ACACA: variants seen among roughly 807,000 people sequenced by gnomAD.
ACACA encodes the protein acetyl-CoA carboxylase 1.
Under a neutral mutation model 296.1 loss-of-function variants are expected in ACACA, and 103 were observed. The ratio of observed to expected loss-of-function variants is 0.35; its 90% CI spans 0.30 to 0.41. The LOEUF (loss-of-function observed/expected upper bound fraction) is 0.41, where lower values mean the gene tolerates loss of function less well. Ranked by LOEUF, ACACA falls within the 10% of genes least tolerant of loss-of-function variation. The pLI is 1.00. For synonymous variants in ACACA, 953 were observed against 1,038.6 expected (o/e 0.92, Z 1.58); for missense variants, 1,554 against 2,989.7 (o/e 0.52, Z 11.20).
At chr17:37,173,218 C>G (rs988706029) in intron 41 of ACACA, among the ~76,000 whole-genome samples, 1 of 152,184 alleles carries the variant, frequency 6.6e-6, no homozygotes, top group Admixed American at 6.5e-5. Context: ...TCTCTACAGG[C>G]AGAGTTTTAG....
intron 3 of ACACA, among the ~76,000 whole-genome samples, chr17:37,326,734 C>A (rs894705130): frequency 1.3e-5 from 2 of 151,596 alleles, no homozygotes; most frequent in African/African-American, 4.9e-5. Context: ...GAGGCTGAGG[C>A]AGGAGAATTG....
At position 37,086,626 on chromosome 17, in the gene ACACA, C is replaced by T. The variant is rs181439255; in HGVS notation, c.*690G>A. ...TTCCCTTTGTCCTCAGAGACTGAAC[C>T]CAAGGTTGAGGTCCCCTAAATCAAG... is the stretch of plus-strand genomic sequence containing the variant. On this transcript the variant is annotated 3_prime_UTR_variant, in exon 56 of 56. Coordinates refer to ENST00000616317, the MANE Select transcript of ACACA (RefSeq NM_198834.3). 1.3e-5 allele frequency: 2 copies of T among 153,514 alleles called. No homozygotes were observed. The highest frequency in any genetic ancestry group is 4.8e-5 in the African/African-American group (2 of 41,572). The allele number at this position is 153,514 out of a possible 1,614,324, so 9.5% of individuals were successfully genotyped here.
chr17:37,385,714 A>G (rs930206100), intron 1 of ACACA, among the ~76,000 whole-genome samples: 3 of 152,032 alleles, frequency 2.0e-5, no homozygotes, highest in African/African-American at 4.8e-5. Flanking sequence ...CTTCATCTTT[A>G]TTATTATTAT....
Position 37,245,073 on chromosome 17 carries a change from T to C in ACACA, c.2595+7A>G, listed in dbSNP as rs1161879976. The C allele has an allele frequency of 6.2e-7, 1 of 1,614,068 alleles. No individual in the cohort carries two copies. Among genetic ancestry groups the C allele is most frequent in the African/African-American group, 1.3e-5 (1 of 74,946 alleles). On this transcript the variant is annotated splice_region_variant and intron_variant, in intron 20 of 55. Transcript: ENST00000616317. Reference sequence around the variant, plus strand: ...GAGAGCAATATTCGGAGCACCTTCCTACTCACCTGCTGAACCTTGCTGGGG... The same window carrying C: ...GAGAGCAATATTCGGAGCACCTTCCCACTCACCTGCTGAACCTTGCTGGGG...
At chr17:37,163,516 C>G (rs1020929846) in intron 41 of ACACA, among the ~76,000 whole-genome samples, 1 of 152,168 alleles carries the variant, frequency 6.6e-6, no homozygotes, top group Non-Finnish European at 1.5e-5. Context: ...TTCCAAGAAA[C>G]CTTTAACACA....
Position 37,125,785 on chromosome 17 carries a change from C to T in ACACA, c.5954G>A (p.Gly1985Asp). Reference protein sequence around the residue: ...LAGRPHPTQKGQWLSGFFDYG... With the variant: ...LAGRPHPTQKDQWLSGFFDYG... ...GTCAAAAAAGCCACTCAACCACTGACCTTTTTGGGCTACAGAAGGGAAAGA... is the reference window on the plus strand; with the variant it reads ...GTCAAAAAAGCCACTCAACCACTGATCTTTTTGGGCTACAGAAGGGAAAGA... Residue 1985 changes from glycine to aspartate, a missense_variant, in exon 48 of 56, where the codon GGT becomes GAT. Gly to Asp is a moderately conservative substitution (Grantham distance 94, BLOSUM62 -1). Transcript: ENST00000616317. 6.2e-7 allele frequency: 1 copy of T among 1,613,538 alleles called. No individual in the cohort carries two copies.
intron 3 of ACACA, among the ~76,000 whole-genome samples, chr17:37,295,729 C>T (rs1454252987): frequency 6.6e-6 from 1 of 152,014 alleles, no homozygotes; most frequent in Non-Finnish European, 1.5e-5. Flanking sequence ...TCAAGACCAT[C>T]CTGGCTAACA....
At chr17:37,220,662 T>A (rs2079243803) in intron 29 of ACACA, among the ~76,000 whole-genome samples, 2 of 152,132 alleles carry the variant, frequency 1.3e-5, no homozygotes, top group Admixed American at 1.3e-4. Context: ...GGTAGAGAAG[T>A]GAAAGGATAT....
At chr17:37,386,756 A>G (rs922833946) in intron 1 of ACACA, 1 of 152,228 alleles carries the variant, frequency 6.6e-6, no homozygotes, top group African/African-American at 2.4e-5. Flanking sequence ...CACTGTATGT[A>G]TAGATGGACA....
Position 37,406,125 on chromosome 17 carries a change from G to T in ACACA, c.38+137C>A. ...ACCTGGAAAATAGGGATAACAACAGGTGCCTACCTCACAAGTTTTAAATGA... is the reference window on the plus strand; with the variant it reads ...ACCTGGAAAATAGGGATAACAACAGTTGCCTACCTCACAAGTTTTAAATGA... On this transcript the variant is annotated intron_variant, in intron 1 of 55. Transcript: ENST00000616317. The T allele has an allele frequency of 9.6e-6, 9 of 935,188 alleles. No individual in the cohort carries two copies. The South Asian group carries it at 1.1e-4, about 11-fold the overall frequency. The allele number at this position is 935,188 out of a possible 1,614,324, so 57.9% of individuals were successfully genotyped here.
At chr17:37,177,269 CGTGT>C (rs112439511) in intron 41 of ACACA, among the ~76,000 whole-genome samples, 36,616 of 146,346 alleles carry the variant, frequency 0.25, 4,893 homozygotes, top group Admixed American at 0.36. Context: ...TTAAAAAATT[CGTGT>C]GTGTGTGTGT....
chr17:37,383,845 T>C (rs879559535), intron 1 of ACACA, among the ~76,000 whole-genome samples: 6 of 152,110 alleles, frequency 3.9e-5, no homozygotes, highest in Non-Finnish European at 8.8e-5. Flanking sequence ...GCCACCTCAC[T>C]TGGTCCAAAA....
chr17:37,253,585 A>T (rs1203059701), intron 14 of ACACA, among the ~76,000 whole-genome samples: 3 of 152,176 alleles, frequency 2.0e-5, no homozygotes, highest in Non-Finnish European at 2.9e-5. Context: ...TTACCATAAG[A>T]GCATCAGCAA....
chr17:37,284,933 G>C lies in ACACA; in HGVS notation c.376C>G (p.Arg126Gly). The change falls in exon 4 of 56, where the codon CGA (arginine) becomes GGA (glycine). Residue 126 changes from arginine to glycine, a missense_variant. Physicochemically the swap from Arg to Gly is moderately radical, Grantham distance 125 (BLOSUM62 -2). Around this residue, in one of 16 missense-constraint regions of ACACA, gnomAD observed 140 missense variants for 147.7 expected, o/e 0.95. Transcript: ENST00000616317. ...MSGLHLVKQG[R>G]DRKKIDSQRD... ...TGAGAATCTATTTTCTTTCTGTCTCGGCCCTGCTTTACTAGGTGCAAGCCA... is the reference window on the plus strand; with the variant it reads ...TGAGAATCTATTTTCTTTCTGTCTCCGCCCTGCTTTACTAGGTGCAAGCCA... The C allele has an allele frequency of 1.2e-6, 2 of 1,613,934 alleles. No homozygotes were observed. The highest frequency in any genetic ancestry group is 1.7e-6 in the Non-Finnish European group (2 of 1,179,998).
chr17:37,184,567 G>C (rs1366776532), intron 39 of ACACA, among the ~76,000 whole-genome samples: 1 of 152,022 alleles, frequency 6.6e-6, no homozygotes, highest in Non-Finnish European at 1.5e-5. Flanking sequence ...CCATTAAATG[G>C]GGCTGGGCAT....
chr17:37,257,607 T>G, intron 14 of ACACA, 96 bp downstream of exon 14: 1 of 1,242,028 alleles, frequency 8.1e-7, no homozygotes, highest in South Asian at 1.3e-5. Flanking sequence ...TATTATTACT[T>G]TGACAGCAGA....
intron 33 of ACACA, among the ~76,000 whole-genome samples, chr17:37,202,475 G>C (rs1345025794): frequency 6.6e-6 from 1 of 150,808 alleles, no homozygotes; most frequent in Non-Finnish European, 1.5e-5. Flanking sequence ...ATTTCTATGA[G>C]AGAAAAAAAG....
At chr17:37,182,188 CT>C (rs1324138035) in intron 39 of ACACA, among the ~76,000 whole-genome samples, 2 of 152,062 alleles carry the variant, frequency 1.3e-5, no homozygotes, top group African/African-American at 4.8e-5. Context: ...TTAGATGGTA[CT>C]TCATAAGTAT....
At chr17:37,228,301 C>G (rs1332950324) in intron 25 of ACACA, among the ~76,000 whole-genome samples, 1 of 144,734 alleles carries the variant, frequency 6.9e-6, no homozygotes, top group Non-Finnish European at 1.5e-5. Flanking sequence ...TGTCCAGAGT[C>G]ATAAAACATA....
Sources: gnomAD v4.1 joint callset for allele counts (sites outside exome capture counted in the v4.1 genomes callset) on GRCh38, gnomAD v4.1.1 for gene constraint, gnomAD v4.1.1 regional missense constraint, MANE v1.5 for transcripts, NCBI Gene and HGNC (gene_info 2026-07-23, HGNC 2026-07-21) for gene names.